Variants in NUP188 observed in about 807,000 individuals in gnomAD.
The protein encoded by NUP188 is nucleoporin NUP188.
NUP188 carries 97 observed loss-of-function variants against 223.0 expected under a neutral mutation model. That is an observed-to-expected ratio of 0.43 (90% confidence interval 0.37 to 0.51). The LOEUF (loss-of-function observed/expected upper bound fraction) is 0.51. Among genes scored for constraint, NUP188 ranks in the 20% least tolerant of loss-of-function variants. The probability of loss-of-function intolerance (pLI) is 0.00; values close to 1 mark genes in which losing one functional copy is unlikely to be tolerated. For missense variants in NUP188, 1,947 were observed against 2,175.6 expected, an observed-to-expected ratio of 0.89 and a Z score of 2.09; for synonymous variants, 869 against 828.0, an observed-to-expected ratio of 1.05 and a Z score of -0.85.
chr9:128,993,554 C>T lies in NUP188; in HGVS notation c.2877C>T (p.Leu959=). The T allele has an allele frequency of 6.2e-7, 1 of 1,614,144 alleles. No individual in the cohort carries two copies. ...TCAGCCTTGGGATGTGGAGCTGTCT[C>T]CATGCAGTGCTGGAGCTGATTGATT... The part of the protein sequence containing the change: ...KEFSLGMWSC[L]HAVLELIDSQ... The change falls in exon 27 of 44, where the codon CTC becomes CTT. Residue 959 remains leucine (L), a synonymous_variant. Transcript: ENST00000372577.
chr9:128,953,559 T>G (rs1019440167), intron 3 of NUP188, among the ~76,000 whole-genome samples: 2 of 152,238 alleles, frequency 1.3e-5, no homozygotes, highest in African/African-American at 4.8e-5. Flanking sequence ...TTCCTTGTTA[T>G]TCATCTGTCT....
At chr9:128,987,491 T>G (rs540830413) in intron 22 of NUP188, 98 bp from the exon 23 acceptor site, 1 of 1,199,894 alleles carries the variant, frequency 8.3e-7, no homozygotes, top group East Asian at 2.5e-5. Context: ...CAGTGTCCAG[T>G]AGGTTAGGTT....
chr9:129,002,621 T>C (rs1842691453), intron 36 of NUP188, among the ~76,000 whole-genome samples, 196 bp from the exon 37 acceptor site: 1 of 152,248 alleles, frequency 6.6e-6, no homozygotes, highest in African/African-American at 2.4e-5. Context: ...ACCCTGGGTC[T>C]TGTGTCTCAG....
chr9:128,995,544 T>C lies in NUP188; in HGVS notation c.3351+30T>C, dbSNP rs368224391. 57 of 1,531,576 alleles carry C rather than the reference T, an allele frequency of 3.7e-5. No homozygotes were observed. The African/African-American group carries it at 7.2e-4, about 19-fold the overall frequency. The allele number at this position is 1,531,576 out of a possible 1,614,324, so 94.9% of individuals were successfully genotyped here. ...GACCCTTTTGGGGAGAGTTTTCACTTTGGTACCTTAGCAATGATGTGTTGA... is the reference window on the plus strand; with the variant it reads ...GACCCTTTTGGGGAGAGTTTTCACTCTGGTACCTTAGCAATGATGTGTTGA... On this transcript the variant is annotated intron_variant, in intron 30 of 43. Coordinates refer to ENST00000372577, the MANE Select transcript of NUP188 (RefSeq NM_015354.3).
At position 129,001,748 on chromosome 9, in the gene NUP188, G is replaced by A; in HGVS notation, c.4044+19G>A. On this transcript the variant is annotated intron_variant, in intron 35 of 43. Coordinates refer to ENST00000372577, the MANE Select transcript of NUP188 (RefSeq NM_015354.3). ...TCAGCAGGTAGGAGGCCAGCCCGAA[G>A]GCAGGAGGGAGCGTCCTTGCTTGCC... 1 of 1,611,706 alleles carries A rather than the reference G, an allele frequency of 6.2e-7. No homozygotes were observed. Among genetic ancestry groups the A allele is most frequent in the Non-Finnish European group, 8.5e-7 (1 of 1,179,070 alleles).
intron 34 of NUP188, among the ~76,000 whole-genome samples, chr9:129,000,906 C>T (rs988267580): frequency 9.2e-5 from 14 of 151,772 alleles, no homozygotes; most frequent in Non-Finnish European, 1.3e-4. Flanking sequence ...GGCGTGGTGG[C>T]GGGCACCTGT....
intron 26 of NUP188, 41 bp from the exon 27 acceptor site, chr9:128,993,484 A>C (rs756976110): frequency 1.9e-5 from 30 of 1,612,792 alleles, no homozygotes; most frequent in Non-Finnish European, 2.5e-5. Context: ...AGCTGCTGGC[A>C]GTGGCTGTGG....
At position 129,005,505 on chromosome 9, in the gene NUP188, A is replaced by C. The variant is rs940388808; in HGVS notation, c.4712A>C (p.Asp1571Ala). 6.2e-7 allele frequency: 1 copy of C among 1,606,542 alleles called. No individual in the cohort carries two copies. Residue 1571 changes from aspartate (D) to alanine (A), a missense_variant, in exon 40 of 44, where the codon GAT becomes GCT. Asp to Ala is a moderately radical substitution (Grantham distance 126). Around this residue, in one of 3 missense-constraint regions of NUP188, gnomAD observed 905 missense variants for 990.6 expected, o/e 0.91. Coordinates refer to ENST00000372577, the MANE Select transcript of NUP188 (RefSeq NM_015354.3). Reference protein sequence around the residue: ...TLAALRHFTPDVCQILLDQSL... With the variant: ...TLAALRHFTPAVCQILLDQSL... ...GCAGCCCTGCGCCACTTCACCCCAG[A>C]TGTCTGCCAGATTCTGCTGGATCAG... is the stretch of plus-strand genomic sequence containing the variant.
At chr9:128,964,592 A>G (rs186337666) in intron 8 of NUP188, among the ~76,000 whole-genome samples, 1 of 150,560 alleles carries the variant, frequency 6.6e-6, no homozygotes, top group Admixed American at 6.6e-5. Context: ...GCTGGTCTTA[A>G]GCTCCTGAGC....
chr9:128,986,707 G>A (rs1223330012), intron 21 of NUP188, 29 bp downstream of exon 21: 3 of 1,613,998 alleles, frequency 1.9e-6, no homozygotes, highest in Non-Finnish European at 2.5e-6. Context: ...GGGAAGACCT[G>A]GGGATTTCTG....
intron 38 of NUP188, chr9:129,004,938 A>G: frequency 1.7e-6 from 1 of 582,834 alleles, no homozygotes; most frequent in Non-Finnish European, 3.1e-6. Flanking sequence ...TTAAGCTGGA[A>G]AGTGGCCAGG....
intron 22 of NUP188, among the ~76,000 whole-genome samples, chr9:128,987,118 T>A (rs1325530705): frequency 1.3e-5 from 2 of 151,698 alleles, no homozygotes; most frequent in African/African-American, 2.4e-5. Context: ...TGTGTGTGTG[T>A]GTGTGTGTGT....
intron 11 of NUP188, 150 bp from the exon 12 acceptor site, chr9:128,973,010 C>T (rs1842123305): frequency 1.7e-5 from 7 of 420,686 alleles, no homozygotes; most frequent in East Asian, 3.7e-5. Context: ...CTTGGTCTTC[C>T]TGATCTTGTA....
intron 15 of NUP188, 27 bp from the exon 16 acceptor site, chr9:128,982,519 ATAT>A (rs754325625): frequency 1.3e-6 from 2 of 1,584,602 alleles, no homozygotes; most frequent in South Asian, 2.3e-5. Flanking sequence ...TTATCCTCAG[ATAT>A]TAGACTAATT....
At chr9:128,949,546 G>C (rs1287048242) in intron 2 of NUP188, among the ~76,000 whole-genome samples, 1 of 151,962 alleles carries the variant, frequency 6.6e-6, no homozygotes, top group Non-Finnish European at 1.5e-5. Context: ...TGGTCAGGCT[G>C]GTCTCCAACT....
At chr9:128,982,494 A>C in intron 15 of NUP188, 55 bp from the exon 16 acceptor site, 3 of 1,409,974 alleles carry the variant, frequency 2.1e-6, no homozygotes, top group Non-Finnish European at 3.0e-6. Context: ...CTGGTAGAGG[A>C]GTTACATTTT....
intron 38 of NUP188, chr9:129,004,666 G>A (rs556374250): frequency 8.6e-4 from 134 of 155,992 alleles, no homozygotes; most frequent in Non-Finnish European, 8.8e-4. Context: ...CACCACGCCC[G>A]GCTAATTTTT....
chr9:128,974,839 A>G (rs923528588), intron 12 of NUP188, among the ~76,000 whole-genome samples: 34 of 151,662 alleles, frequency 2.2e-4, no homozygotes, highest in African/African-American at 6.5e-4. Context: ...TCCCACTTCA[A>G]CCTGCACCCC....
chr9:128,969,305 GT>G, intron 9 of NUP188, 94 bp from the exon 10 acceptor site: 16 of 742,444 alleles, frequency 2.2e-5, no homozygotes, highest in Admixed American at 7.8e-5. Context: ...GGCCCAATAG[GT>G]TTTTTTGATA....
Sources: allele counts gnomAD v4.1 joint callset (sites outside exome capture counted in the v4.1 genomes callset), GRCh38; gene constraint gnomAD v4.1.1; regional missense constraint gnomAD v4.1.1; transcripts MANE v1.5; gene names NCBI Gene and HGNC (gene_info 2026-07-23, HGNC 2026-07-21).